Variants in ZNF521 observed in about 807,000 individuals in gnomAD.
ZNF521 encodes the protein LYST-interacting protein 3.
In ZNF521, 14 loss-of-function variants were observed where a neutral mutation model predicts 105.5. The ratio of observed to expected loss-of-function variants is 0.13; its 90% CI spans 0.09 to 0.21. The LOEUF (loss-of-function observed/expected upper bound fraction) is 0.21. Ranked by LOEUF, ZNF521 falls within the 10% of genes least tolerant of loss-of-function variation. The pLI is 1.00. For missense variants in ZNF521, 1,233 were observed against 1,629.7 expected (o/e 0.76, Z 4.19); for synonymous variants, 635 against 606.0 (o/e 1.05, Z -0.70).
intron 3 of ZNF521, among the ~76,000 whole-genome samples, chr18:25,295,072 C>T (rs1402490557): frequency 6.6e-6 from 1 of 152,010 alleles, no homozygotes; most frequent in Non-Finnish European, 1.5e-5. Context: ...ACTGTCAGCA[C>T]CTAAAACGTC....
intron 5 of ZNF521, among the ~76,000 whole-genome samples, chr18:25,141,882 T>A (rs1052824118): frequency 6.6e-6 from 1 of 152,144 alleles, no homozygotes; most frequent in Non-Finnish European, 1.5e-5. Flanking sequence ...CGGTGACCAG[T>A]GTAACTTTCC....
chr18:25,239,725 G>GT (rs1409797411), intron 3 of ZNF521, among the ~76,000 whole-genome samples: 1 of 152,188 alleles, frequency 6.6e-6, no homozygotes, highest in Admixed American at 6.5e-5. Flanking sequence ...GGTTCAGAAT[G>GT]TAAGTGTGGT....
intron 2 of ZNF521, among the ~76,000 whole-genome samples, chr18:25,350,591 T>G (rs1396659972): frequency 6.6e-6 from 1 of 152,138 alleles, no homozygotes; most frequent in African/African-American, 2.4e-5. Context: ...CGGGATATTT[T>G]TTTTTCCTCC....
intron 5 of ZNF521, among the ~76,000 whole-genome samples, chr18:25,125,209 C>A (rs1343269577): frequency 1.3e-5 from 2 of 152,018 alleles, no homozygotes; most frequent in Non-Finnish European, 2.9e-5. Flanking sequence ...AAATTTGAAT[C>A]TTATCTAGCC....
At chr18:25,140,975 T>C (rs1313100200) in intron 5 of ZNF521, among the ~76,000 whole-genome samples, 1 of 152,148 alleles carries the variant, frequency 6.6e-6, no homozygotes, top group African/African-American at 2.4e-5. Flanking sequence ...CCCAACAAGA[T>C]GAACAAAATC....
chr18:25,168,096 T>C (rs933196505), intron 5 of ZNF521, among the ~76,000 whole-genome samples: 2 of 152,156 alleles, frequency 1.3e-5, no homozygotes, highest in African/African-American at 4.8e-5. Context: ...AGGCTTCTCA[T>C]GTTAACCCAG....
Position 25,263,760 on chromosome 18 carries a change from T to C in ZNF521, c.221-36063A>G, listed in dbSNP as rs545142651. ...CCAGTTAATCGTTTGTATTTTTCAG[T>C]AGAGACGAGGTTTCACCGTGTTAAC... On this transcript the variant is annotated intron_variant, in intron 3 of 7. Coordinates refer to ENST00000361524, the MANE Select transcript of ZNF521 (RefSeq NM_015461.3). Among the ~76,000 whole-genome samples, 10 of 152,242 alleles carry C rather than the reference T, an allele frequency of 6.6e-5. No individual in the cohort carries two copies. The South Asian group carries it at 2.1e-3, about 32-fold the overall frequency.
intron 3 of ZNF521, among the ~76,000 whole-genome samples, chr18:25,287,515 G>A (rs1016895582): frequency 1.3e-5 from 2 of 151,514 alleles, no homozygotes; most frequent in Admixed American, 6.6e-5. Flanking sequence ...GACAAATCAA[G>A]AGTTAGGTAA....
intron 2 of ZNF521, among the ~76,000 whole-genome samples, chr18:25,328,219 C>G (rs186050325): frequency 6.6e-6 from 1 of 152,274 alleles, no homozygotes; most frequent in East Asian, 1.9e-4. Context: ...GAAGTTTAGA[C>G]TTTCTGTGGT....
At chr18:25,086,741 T>C (rs993849247) in intron 7 of ZNF521, among the ~76,000 whole-genome samples, 7 of 152,200 alleles carry the variant, frequency 4.6e-5, no homozygotes, top group African/African-American at 1.4e-4. Context: ...ATAAGGCTCA[T>C]AGTTTTGGAT....
intron 5 of ZNF521, among the ~76,000 whole-genome samples, chr18:25,117,825 T>C (rs940684358): frequency 1.3e-5 from 2 of 150,944 alleles, no homozygotes; most frequent in Non-Finnish European, 2.9e-5. Flanking sequence ...AAAATAATAG[T>C]TTAAAAAATA....
chr18:25,271,353 T>C (rs1281370029), intron 3 of ZNF521, among the ~76,000 whole-genome samples: 1 of 152,176 alleles, frequency 6.6e-6, no homozygotes, highest in Non-Finnish European at 1.5e-5. Flanking sequence ...CAAAGTAATT[T>C]ACAGATTCAA....
chr18:25,336,817 T>C (rs1029880090), intron 2 of ZNF521, among the ~76,000 whole-genome samples: 8 of 152,234 alleles, frequency 5.3e-5, no homozygotes, highest in African/African-American at 1.7e-4. Context: ...AAAAGAGTTG[T>C]ATGCTATGGT....
At position 25,240,968 on chromosome 18, in the gene ZNF521, AAGTT is replaced by A. The variant is rs1181580340; in HGVS notation, c.221-13275_221-13272del. Among the ~76,000 whole-genome samples, 7 of 149,806 alleles carry A rather than the reference AAGTT, an allele frequency of 4.7e-5. No homozygotes were observed. The East Asian group carries it at 5.8e-4, about 12-fold the overall frequency. On this transcript the variant is annotated intron_variant, in intron 3 of 7. Coordinates refer to ENST00000361524, the MANE Select transcript of ZNF521 (RefSeq NM_015461.3). The stretch of plus-strand genomic sequence containing the variant: ...ATATTAAAAAAAAAAAAAAAAAAAA[AAGTT>A]AGAGCAAGCAATACTGAACACTCCA...
chr18:25,328,338 A>G (rs1913351958), intron 2 of ZNF521, among the ~76,000 whole-genome samples: 1 of 151,484 alleles, frequency 6.6e-6, no homozygotes, highest in East Asian at 1.9e-4. Flanking sequence ...TATTACCACT[A>G]TCTACAGTGA....
intron 5 of ZNF521, among the ~76,000 whole-genome samples, chr18:25,164,996 C>T (rs2035313391): frequency 1.3e-5 from 2 of 152,180 alleles, no homozygotes; most frequent in South Asian, 2.1e-4. Context: ...ATATGACTTT[C>T]GTGTTCGTGT....
intron 5 of ZNF521, among the ~76,000 whole-genome samples, chr18:25,118,433 G>C (rs2034371034): frequency 6.6e-6 from 1 of 151,764 alleles, no homozygotes; most frequent in Non-Finnish European, 1.5e-5. Context: ...TGATTACTTA[G>C]AGCAAAAAAT....
chr18:25,131,525 T>C (rs2034640679), intron 5 of ZNF521, among the ~76,000 whole-genome samples: 1 of 152,154 alleles, frequency 6.6e-6, no homozygotes, highest in Non-Finnish European at 1.5e-5. Flanking sequence ...CAGTTGATCA[T>C]GGTACCTAGC....
At position 25,246,535 on chromosome 18, in the gene ZNF521, T is replaced by C. The variant is rs150945359; in HGVS notation, c.221-18838A>G. On this transcript the variant is annotated intron_variant, in intron 3 of 7. Coordinates refer to ENST00000361524, the MANE Select transcript of ZNF521 (RefSeq NM_015461.3). Reference sequence around the variant, plus strand: ...TTATATTGTTGTAGGCAAAGACTTATCAAAACCCCAAAATGTAGCTACTAT... The same window carrying C: ...TTATATTGTTGTAGGCAAAGACTTACCAAAACCCCAAAATGTAGCTACTAT... 2.4e-3 allele frequency among the ~76,000 whole-genome samples: 359 copies of C among 152,318 alleles called. 2 individuals carry two copies. Among genetic ancestry groups the C allele is most frequent in the African/African-American group, 8.2e-3 (339 of 41,574 alleles).
Sources: allele counts gnomAD v4.1 joint callset (sites outside exome capture counted in the v4.1 genomes callset), GRCh38; gene constraint gnomAD v4.1.1; transcripts MANE v1.5; gene names NCBI Gene and HGNC (gene_info 2026-07-23, HGNC 2026-07-21).